MTRF1: variants seen among roughly 807,000 people sequenced by gnomAD.
The protein encoded by MTRF1 is peptide chain release factor 1, mitochondrial.
MTRF1 carries 51 observed loss-of-function variants against 62.9 expected under a neutral mutation model. That is an observed-to-expected ratio of 0.81 (90% CI 0.65 to 1.02). The LOEUF (loss-of-function observed/expected upper bound fraction) is 1.02. Among genes scored for constraint, MTRF1 ranks in the 50% least tolerant of loss-of-function variants. The pLI is 0.00. For missense variants in MTRF1, 446 were observed against 530.0 expected, an observed-to-expected ratio of 0.84 and a Z score of 1.56; for synonymous variants, 158 against 181.9, an observed-to-expected ratio of 0.87 and a Z score of 1.06.
intron 9 of MTRF1, among the ~76,000 whole-genome samples, chr13:41,218,407 A>T (rs2032419528): frequency 6.7e-6 from 1 of 149,798 alleles, no homozygotes; most frequent in African/African-American, 2.5e-5. Context: ...TACAGGTGTG[A>T]GCCACTGTGC....
chr13:41,226,308 C>A (rs2034419070), intron 8 of MTRF1, 124 bp downstream of exon 8: 1 of 1,007,332 alleles, frequency 9.9e-7, no homozygotes, highest in Non-Finnish European at 1.4e-6. Flanking sequence ...TGCTTATTTA[C>A]AAAGGAGCAC....
chr13:41,279,579 C>T, the MTRF1 span, among the ~76,000 whole-genome samples: 2 of 152,028 alleles, frequency 1.3e-5, no homozygotes, highest in Non-Finnish European at 2.9e-5. Context: ...GGGAGTCATG[C>T]CCTACAAACC....
At chr13:41,300,494 G>A in the MTRF1 span, among the ~76,000 whole-genome samples, 9 of 151,588 alleles carry the variant, frequency 5.9e-5, no homozygotes, top group African/African-American at 1.9e-4. Flanking sequence ...GCTGAGGCAG[G>A]AGAATGGCCT....
At chr13:41,236,635 T>C (rs1368547135) in intron 6 of MTRF1, 1 of 152,232 alleles carries the variant, frequency 6.6e-6, no homozygotes, top group African/African-American at 2.4e-5. Flanking sequence ...CAGCTTTTGT[T>C]AATATATGTT....
chr13:41,277,234 C>T, the MTRF1 span, among the ~76,000 whole-genome samples: 1 of 151,796 alleles, frequency 6.6e-6, no homozygotes, highest in Non-Finnish European at 1.5e-5. Context: ...CAGGCTCAAG[C>T]GATCCTCCCA....
At chr13:41,307,961 T>C in the MTRF1 span, among the ~76,000 whole-genome samples, 1 of 152,184 alleles carries the variant, frequency 6.6e-6, no homozygotes, top group Non-Finnish European at 1.5e-5. Flanking sequence ...TGCTGCTTTC[T>C]AGTATTTGGG....
At chr13:41,309,667 A>G in the MTRF1 span, among the ~76,000 whole-genome samples, 1 of 152,146 alleles carries the variant, frequency 6.6e-6, no homozygotes, top group African/African-American at 2.4e-5. Flanking sequence ...GACTCCTATG[A>G]TTCTTTCATG....
At chr13:41,308,621 C>T in the MTRF1 span, among the ~76,000 whole-genome samples, 14 of 152,316 alleles carry the variant, frequency 9.2e-5, no homozygotes, top group Non-Finnish European at 1.6e-4. Context: ...CTAAGGCAAG[C>T]TCCTAAAGCA....
intron 6 of MTRF1, chr13:41,235,585 A>C (rs2036352780): frequency 6.6e-6 from 1 of 152,234 alleles, no homozygotes; most frequent in Non-Finnish European, 1.5e-5. Flanking sequence ...AAACAACTAA[A>C]GACAGTAAAG....
chr13:41,224,582 C>T (rs1380805456), intron 8 of MTRF1, among the ~76,000 whole-genome samples: 1 of 152,136 alleles, frequency 6.6e-6, no homozygotes, highest in African/African-American at 2.4e-5. Flanking sequence ...AGTTTGGAAA[C>T]CACTGTCCCA....
intron 9 of MTRF1, among the ~76,000 whole-genome samples, chr13:41,222,940 C>A (rs188324555): frequency 6.6e-6 from 1 of 152,272 alleles, no homozygotes; most frequent in African/African-American, 2.4e-5. Context: ...TTGCTATATT[C>A]GTGGTAATTT....
At chr13:41,270,819 T>A in the MTRF1 span, among the ~76,000 whole-genome samples, 1 of 152,076 alleles carries the variant, frequency 6.6e-6, no homozygotes, top group Non-Finnish European at 1.5e-5. Context: ...CAGCTCACTG[T>A]AACCTCTGCC....
intron 5 of MTRF1, among the ~76,000 whole-genome samples, chr13:41,242,693 A>C (rs1049661227): frequency 1.3e-5 from 2 of 152,152 alleles, no homozygotes; most frequent in Non-Finnish European, 2.9e-5. Flanking sequence ...AGCCTTGGAA[A>C]TAATGTGTCC....
At chr13:41,242,289 T>C (rs1391940188) in intron 5 of MTRF1, among the ~76,000 whole-genome samples, 3 of 152,210 alleles carry the variant, frequency 2.0e-5, no homozygotes, top group South Asian at 2.1e-4. Context: ...CGTTGGCCCA[T>C]AGAGCCTCTT....
chr13:41,250,034 G>C (rs1380526163), intron 5 of MTRF1, among the ~76,000 whole-genome samples: 1 of 151,964 alleles, frequency 6.6e-6, no homozygotes, highest in Non-Finnish European at 1.5e-5. Flanking sequence ...TGTGTCTAAA[G>C]GAAAGGTTTC....
chr13:41,217,090 A>G lies in MTRF1; in HGVS notation c.*25T>C, dbSNP rs375105360. The stretch of plus-strand genomic sequence containing the variant: ...GATATAGGTCCATTTCATTTATATA[A>G]TCATAAATAATAATAAGTTAGTATT... On this transcript the variant is annotated 3_prime_UTR_variant, in exon 10 of 10. Coordinates refer to ENST00000379480, the MANE Select transcript of MTRF1 (RefSeq NM_004294.4). 7.1e-5 allele frequency: 95 copies of G among 1,342,136 alleles called. No homozygotes were observed. Among genetic ancestry groups the G allele is most frequent in the Non-Finnish European group, 9.2e-5 (88 of 951,772 alleles). 83.1% of individuals were successfully genotyped at this position (1,342,136 alleles called of 1,614,324 possible). A position where few individuals can be genotyped will look rare whatever the true frequency, so the allele number is the denominator to read the frequency against.
At chr13:41,263,336 G>C in intron 1 of MTRF1, 149 bp downstream of exon 1, 1 of 1,288,312 alleles carries the variant, frequency 7.8e-7, no homozygotes, top group Non-Finnish European at 1.0e-6. Flanking sequence ...GATGCTTTGG[G>C]GAAAGTTCTG....
the MTRF1 span, among the ~76,000 whole-genome samples, chr13:41,296,910 C>G: frequency 6.6e-6 from 1 of 152,076 alleles, no homozygotes; most frequent in African/African-American, 2.4e-5. Flanking sequence ...TTAATCATGG[C>G]TATTCTAAGT....
chr13:41,232,662 C>CA (rs1355144978), intron 7 of MTRF1, among the ~76,000 whole-genome samples: 9 of 152,102 alleles, frequency 5.9e-5, no homozygotes. Context: ...GTTAAAATGA[C>CA]AGAGTAGCAA....
Sources: gnomAD v4.1 joint callset for allele counts (sites outside exome capture counted in the v4.1 genomes callset) on GRCh38, gnomAD v4.1.1 for gene constraint, MANE v1.5 for transcripts, NCBI Gene and HGNC (gene_info 2026-07-23, HGNC 2026-07-21) for gene names.